The following TTC6 variants were observed in gnomAD, a reference collection of about 807,000 sequenced individuals.
TTC6 encodes the protein tetratricopeptide repeat protein 6.
A neutral mutation model predicts 210.4 loss-of-function variants in TTC6; 172 were observed. The observed-to-expected ratio is 0.82, with a 90% CI of 0.72 to 0.93. The LOEUF (loss-of-function observed/expected upper bound fraction) is 0.93. TTC6 is among the 40% of genes least tolerant of loss of function. The probability of loss-of-function intolerance (pLI) is 0.00; values close to 1 mark genes in which losing one functional copy is unlikely to be tolerated. For synonymous variants in TTC6, 804 were observed against 819.6 expected (o/e 0.98, Z 0.32); for missense variants, 2,414 against 2,318.1 (o/e 1.04, Z -0.85).
At chr14:37,762,867 C>A (rs1361485957) in intron 14 of TTC6, among the ~76,000 whole-genome samples, 1 of 145,266 alleles carries the variant, frequency 6.9e-6, no homozygotes, top group African/African-American at 2.5e-5. Flanking sequence ...TTTTCTTTTT[C>A]TTTTCTTTTC....
At chr14:37,704,712 AT>A (rs1327676789) in intron 5 of TTC6, among the ~76,000 whole-genome samples, 1 of 151,856 alleles carries the variant, frequency 6.6e-6, no homozygotes, top group Non-Finnish European at 1.5e-5. Flanking sequence ...GCTATCAGAA[AT>A]TTTTTAATGT....
intron 6 of TTC6, chr14:37,720,381 A>T (rs2095859412): frequency 1.3e-5 from 2 of 152,232 alleles, no homozygotes; most frequent in Non-Finnish European, 1.5e-5. Flanking sequence ...TACCTTACAG[A>T]AATGAAAATT....
At chr14:37,831,031 A>G (rs1018881620) in intron 29 of TTC6, among the ~76,000 whole-genome samples, 2 of 152,046 alleles carry the variant, frequency 1.3e-5, no homozygotes, top group East Asian at 1.9e-4. Context: ...TATTTCTTCC[A>G]TATAACTGTA....
At chr14:37,680,473 C>G (rs921447631) in intron 2 of TTC6, among the ~76,000 whole-genome samples, 15 of 151,956 alleles carry the variant, frequency 9.9e-5, no homozygotes, top group African/African-American at 3.6e-4. Context: ...GAGCTAAGGC[C>G]CCAGACTCTT....
chr14:37,751,464 G>C lies in TTC6; in HGVS notation c.3129+239G>C, dbSNP rs186769064. 4.6e-5 allele frequency among the ~76,000 whole-genome samples: 7 copies of C among 152,280 alleles called. No individual in the cohort carries two copies. In the East Asian group the frequency reaches 1.4e-3, roughly 29 times the overall value. On this transcript the variant is annotated intron_variant, in intron 13 of 30. Transcript: ENST00000553443. Reference sequence around the variant, plus strand: ...TCAGAATTGAGTGTGGAGGCATTGAGATAACATGTAGGGGGCCCAGCTTTT... The same window carrying C: ...TCAGAATTGAGTGTGGAGGCATTGACATAACATGTAGGGGGCCCAGCTTTT...
chr14:37,784,265 TG>T (rs1448385448), intron 14 of TTC6, among the ~76,000 whole-genome samples: 1 of 152,216 alleles, frequency 6.6e-6, no homozygotes, highest in Non-Finnish European at 1.5e-5. Flanking sequence ...TAAGTCTCTT[TG>T]TAGGTCTCTA....
At chr14:37,655,979 G>A (rs1014825546) in intron 1 of TTC6, among the ~76,000 whole-genome samples, 2 of 151,976 alleles carry the variant, frequency 1.3e-5, no homozygotes, top group Non-Finnish European at 2.9e-5. Flanking sequence ...TCAATGCCTG[G>A]CACACTGTAA....
At chr14:37,793,007 A>T (rs1477944890) in intron 17 of TTC6, among the ~76,000 whole-genome samples, 2 of 152,136 alleles carry the variant, frequency 1.3e-5, no homozygotes, top group Non-Finnish European at 2.9e-5. Flanking sequence ...TTCCAGCCAG[A>T]TCTGATTTTC....
intron 1 of TTC6, among the ~76,000 whole-genome samples, chr14:37,674,744 A>G (rs1429518934): frequency 2.0e-5 from 3 of 152,154 alleles, no homozygotes; most frequent in African/African-American, 7.2e-5. Context: ...CTAATGTTGA[A>G]TAAAGCGCAT....
At chr14:37,677,047 A>T (rs2095771437) in intron 1 of TTC6, among the ~76,000 whole-genome samples, 1 of 151,970 alleles carries the variant, frequency 6.6e-6, no homozygotes, top group Non-Finnish European at 1.5e-5. Context: ...ATTCAGGGGA[A>T]CTTTCAATTC....
intron 1 of TTC6, among the ~76,000 whole-genome samples, chr14:37,663,640 T>C (rs1235950543): frequency 6.6e-6 from 1 of 152,168 alleles, no homozygotes; most frequent in African/African-American, 2.4e-5. Context: ...AATATTGGTG[T>C]TGTGTCACAG....
intron 29 of TTC6, among the ~76,000 whole-genome samples, chr14:37,835,775 G>A (rs1566982493): frequency 6.6e-6 from 1 of 152,120 alleles, no homozygotes; most frequent in South Asian, 2.1e-4. Context: ...CTCATTTGAG[G>A]TTTGTAGTTT....
At chr14:37,651,415 ATATATATATATTTTTTTTTTTTTTTTT>A (rs1464417255) in intron 1 of TTC6, among the ~76,000 whole-genome samples, 96 of 20,824 alleles carry the variant, frequency 4.6e-3, no homozygotes, top group Middle Eastern at 0.028. Flanking sequence ...ATATATATAT[ATATATATATATTTTTTTTTTTTTTTTT>A]TTTTTTTTTT....
chr14:37,754,607 A>G (rs533418127), intron 14 of TTC6, among the ~76,000 whole-genome samples: 14 of 151,956 alleles, frequency 9.2e-5, no homozygotes, highest in Non-Finnish European at 1.8e-4. Flanking sequence ...TAATTGTTGT[A>G]TTTTTAGTAG....
chr14:37,651,538 A>G (rs1275767577), intron 1 of TTC6, among the ~76,000 whole-genome samples: 1 of 149,874 alleles, frequency 6.7e-6, no homozygotes, highest in Non-Finnish European at 1.5e-5. Flanking sequence ...AAGCTGCCAC[A>G]TATTAGAGAT....
At chr14:37,727,454 T>C (rs530527030) in intron 7 of TTC6, among the ~76,000 whole-genome samples, 11 of 151,808 alleles carry the variant, frequency 7.2e-5, no homozygotes, top group South Asian at 2.1e-4. Flanking sequence ...CCACCATGCC[T>C]GGCTAATTTT....
At chr14:37,724,434 A>T (rs571719970) in intron 6 of TTC6, among the ~76,000 whole-genome samples, 1 of 152,220 alleles carries the variant, frequency 6.6e-6, no homozygotes, top group East Asian at 1.9e-4. Context: ...CTAGATCATA[A>T]TTTTTGTGTT....
exon 31 of TTC6, chr14:37,842,425 G>T: frequency 1.4e-6 from 1 of 715,034 alleles, no homozygotes; most frequent in East Asian, 3.4e-5. Context: ...AACCTTCTAT[G>T]CATTTTAATA....
In TTC6 at chr14:37,622,410, C is replaced by T. The variant is rs1595021982; in HGVS notation, c.346C>T (p.Arg116Cys). The change falls in exon 1 of 31, where the codon CGC becomes TGC. Residue 116 changes from arginine to cysteine, a missense_variant. Physicochemically the swap from Arg to Cys is radical, Grantham distance 180. Transcript: ENST00000553443. Reference sequence around the variant, plus strand: ...GGCTCCAGGCAAGACCCGGTCGTTTCGCCCCCGGGACTTTTACTTGCGGAG... The same window carrying T: ...GGCTCCAGGCAAGACCCGGTCGTTTTGCCCCCGGGACTTTTACTTGCGGAG... 5 of 1,534,054 alleles carry T rather than the reference C, an allele frequency of 3.3e-6. No homozygotes were observed. The East Asian group carries it at 9.8e-5, about 30-fold the overall frequency.
Sources: gnomAD v4.1 joint callset for allele counts (sites outside exome capture counted in the v4.1 genomes callset) on GRCh38, gnomAD v4.1.1 for gene constraint, MANE v1.5 for transcripts, NCBI Gene and HGNC (gene_info 2026-07-23, HGNC 2026-07-21) for gene names.